The following KCNK2 variants were observed in gnomAD, a reference collection of about 807,000 sequenced individuals.
KCNK2 encodes potassium two pore domain channel subfamily K member 2.
In KCNK2, 21 loss-of-function variants were observed where a neutral mutation model predicts 40.5. That is an observed-to-expected ratio of 0.52 (90% CI 0.37 to 0.75). KCNK2 has a LOEUF of 0.75. Among genes scored for constraint, KCNK2 ranks in the 30% least tolerant of loss-of-function variants. The pLI, the probability that KCNK2 is intolerant of heterozygous loss-of-function variation, is 0.00. For missense variants in KCNK2, 399 were observed against 531.6 expected, an observed-to-expected ratio of 0.75 and a Z score of 2.45; for synonymous variants, 191 against 202.2, an observed-to-expected ratio of 0.94 and a Z score of 0.47.
intron 1 of KCNK2, among the ~76,000 whole-genome samples, chr1:215,011,004 T>C (rs1164415637): frequency 1.0e-5 from 1 of 96,938 alleles, no homozygotes; most frequent in Non-Finnish European, 1.9e-5. Context: ...ATATATAATA[T>C]TGTATTAAAT....
chr1:215,162,641 C>A (rs963388338), intron 3 of KCNK2, among the ~76,000 whole-genome samples: 3 of 152,136 alleles, frequency 2.0e-5, no homozygotes, highest in Admixed American at 2.0e-4. Flanking sequence ...CTGCATATAG[C>A]TAGCCAGTTT....
intron 1 of KCNK2, among the ~76,000 whole-genome samples, chr1:215,021,629 TC>T (rs776960148): frequency 7.1e-6 from 1 of 141,702 alleles, no homozygotes; most frequent in Non-Finnish European, 1.5e-5. Flanking sequence ...CGCTGCAAGC[TC>T]CGCCTCCCAG....
intron 1 of KCNK2, among the ~76,000 whole-genome samples, chr1:215,015,592 T>C (rs564877169): frequency 6.6e-6 from 1 of 152,114 alleles, no homozygotes; most frequent in Admixed American, 6.5e-5. Context: ...CTGTTAAAAA[T>C]CTCAGTGACA....
In KCNK2 at chr1:215,169,183, T is replaced by C. The variant is rs760304386; in HGVS notation, c.476-16T>C. On this transcript the variant is annotated splice_polypyrimidine_tract_variant and intron_variant, in intron 3 of 6. Coordinates refer to ENST00000444842, the MANE Select transcript of KCNK2 (RefSeq NM_001017425.3). ...ACAACTATTATTCATTTGTAAACAATGTAATTTTTTTAAAGGATTTGGAAA... is the reference window on the plus strand; with the variant it reads ...ACAACTATTATTCATTTGTAAACAACGTAATTTTTTTAAAGGATTTGGAAA... 1.3e-6 allele frequency: 2 copies of C among 1,583,270 alleles called. No homozygotes were observed. The highest frequency in any genetic ancestry group is 1.7e-6 in the Non-Finnish European group (2 of 1,165,432).
chr1:215,072,239 C>T (rs193218823), intron 1 of KCNK2, among the ~76,000 whole-genome samples: 3 of 152,246 alleles, frequency 2.0e-5, no homozygotes, highest in African/African-American at 7.2e-5. Context: ...CTAATAAAGA[C>T]ATACTCGAGA....
chr1:215,178,383 C>A lies in KCNK2; in HGVS notation c.823+6200C>A, dbSNP rs368192667. 5.5e-4 allele frequency among the ~76,000 whole-genome samples: 84 copies of A among 152,162 alleles called. No individual in the cohort carries two copies. In the South Asian group the frequency reaches 0.017, roughly 31 times the overall value. ...TTGCCTGATTGCTATGGCATGGACTCCCAGTAGTATGTTGAATAGGAGTGG... is the reference window on the plus strand; with the variant it reads ...TTGCCTGATTGCTATGGCATGGACTACCAGTAGTATGTTGAATAGGAGTGG... On this transcript the variant is annotated intron_variant, in intron 5 of 6. Coordinates refer to ENST00000444842, the MANE Select transcript of KCNK2 (RefSeq NM_001017425.3).
intron 6 of KCNK2, among the ~76,000 whole-genome samples, chr1:215,198,239 C>T (rs752677479): frequency 1.1e-4 from 16 of 152,040 alleles, no homozygotes; most frequent in Admixed American, 6.6e-5. Flanking sequence ...TCGAAAGCTC[C>T]CATGAGTCAA....
At chr1:215,059,612 G>A (rs977235328) in intron 1 of KCNK2, among the ~76,000 whole-genome samples, 19 of 152,180 alleles carry the variant, frequency 1.2e-4, no homozygotes, top group African/African-American at 4.6e-4. Context: ...TTTGGAGACT[G>A]TTGAAAGAGA....
At chr1:215,153,637 C>A (rs1662784869) in intron 3 of KCNK2, among the ~76,000 whole-genome samples, 1 of 150,620 alleles carries the variant, frequency 6.6e-6, no homozygotes, top group Admixed American at 6.6e-5. Flanking sequence ...TTAAATTTTA[C>A]TTTAAGTTCC....
chr1:215,034,500 G>GT (rs531445743), intron 1 of KCNK2, among the ~76,000 whole-genome samples: 1 of 152,026 alleles, frequency 6.6e-6, no homozygotes, highest in Non-Finnish European at 1.5e-5. Flanking sequence ...GTAACCGTCT[G>GT]TTTTTTGAAG....
At chr1:215,150,995 G>T (rs1344678909) in intron 3 of KCNK2, among the ~76,000 whole-genome samples, 1 of 151,938 alleles carries the variant, frequency 6.6e-6, no homozygotes, top group African/African-American at 2.4e-5. Flanking sequence ...CTTTGAGATA[G>T]ATATTCTTTG....
chr1:215,176,410 T>C (rs564562913), intron 5 of KCNK2, among the ~76,000 whole-genome samples: 1 of 152,202 alleles, frequency 6.6e-6, no homozygotes, highest in East Asian at 1.9e-4. Flanking sequence ...ACGTGTGCCA[T>C]GGTGATTTGC....
chr1:215,080,751 A>G (rs1012740080), upstream of KCNK2, among the ~76,000 whole-genome samples: 1 of 152,222 alleles, frequency 6.6e-6, no homozygotes, highest in East Asian at 1.9e-4. Context: ...CTGACTGGCC[A>G]GGATTCCAGG....
At chr1:215,193,420 C>T (rs1664745187) in intron 5 of KCNK2, among the ~76,000 whole-genome samples, 1 of 120,564 alleles carries the variant, frequency 8.3e-6, no homozygotes, top group Admixed American at 1.0e-4. Context: ...CCTGTCAGTT[C>T]TCAGTTTTAA....
rs1380229886 is a variant in KCNK2, at chr1:215,082,923, C to G, written c.-463C>G. 6.6e-6 allele frequency among the ~76,000 whole-genome samples: 1 copy of G among 150,698 alleles called. No individual in the cohort carries two copies. The highest frequency in any genetic ancestry group is 1.5e-5 in the Non-Finnish European group (1 of 67,674). On this transcript the variant is annotated 5_prime_UTR_variant, in exon 1 of 7. Coordinates refer to ENST00000444842, the MANE Select transcript of KCNK2 (RefSeq NM_001017425.3). ...TCGCGCACAAAGACGCCGGGGCGCA[C>G]GGCAGCTGGGGCTGCACCCACCGCC...
chr1:215,165,907 A>G (rs182453893), intron 3 of KCNK2, among the ~76,000 whole-genome samples: 6 of 152,302 alleles, frequency 3.9e-5, no homozygotes, highest in Non-Finnish European at 5.9e-5. Context: ...GGTTCCAGGA[A>G]TGGCTATAAT....
intron 3 of KCNK2, among the ~76,000 whole-genome samples, chr1:215,151,853 C>T (rs966382911): frequency 6.6e-6 from 1 of 151,954 alleles, no homozygotes; most frequent in African/African-American, 2.4e-5. Context: ...GGAATTTTAG[C>T]CTAACCATGC....
intron 6 of KCNK2, among the ~76,000 whole-genome samples, chr1:215,216,058 C>T (rs978547269): frequency 3.3e-5 from 5 of 152,148 alleles, no homozygotes; most frequent in Admixed American, 3.3e-4. Context: ...ACTAATTTGG[C>T]AGTGCTATAT....
At chr1:215,043,061 C>T (rs1325450313) in intron 1 of KCNK2, among the ~76,000 whole-genome samples, 1 of 152,148 alleles carries the variant, frequency 6.6e-6, no homozygotes, top group Non-Finnish European at 1.5e-5. Flanking sequence ...AGTATGTGCC[C>T]TCACAGGTCT....
Sources: allele counts gnomAD v4.1 joint callset (sites outside exome capture counted in the v4.1 genomes callset), GRCh38; gene constraint gnomAD v4.1.1; transcripts MANE v1.5; gene names NCBI Gene and HGNC (gene_info 2026-07-23, HGNC 2026-07-21).